The following GCN1 variants were observed in gnomAD, a reference collection of about 807,000 sequenced individuals.
GCN1 encodes the protein GCN1 activator of EIF2AK4.
A neutral mutation model predicts 288.4 loss-of-function variants in GCN1; 90 were observed. The ratio of observed to expected loss-of-function variants is 0.31; its 90% CI spans 0.26 to 0.37. The LOEUF (loss-of-function observed/expected upper bound fraction) is 0.37, where lower values mean the gene tolerates loss of function less well. GCN1 is among the 10% of genes least tolerant of loss of function. The pLI is 1.00. For synonymous variants in GCN1, 1,386 were observed against 1,420.2 expected (o/e 0.98, Z 0.54); for missense variants, 2,586 against 3,419.9 (o/e 0.76, Z 6.08).
At chr12:120,179,713 T>G (rs967876752) in intron 5 of GCN1, among the ~76,000 whole-genome samples, 44 of 151,326 alleles carry the variant, frequency 2.9e-4, no homozygotes, top group African/African-American at 1.1e-3. Context: ...CCTGCTTTCA[T>G]GTACCTTAGA....
intron 2 of GCN1, among the ~76,000 whole-genome samples, chr12:120,188,780 C>G (rs1878909198): frequency 6.7e-6 from 1 of 149,470 alleles, no homozygotes; most frequent in Admixed American, 6.7e-5. Flanking sequence ...ACCCGGGAAG[C>G]AGAGCGTGCA....
In GCN1 at chr12:120,139,023, G is replaced by C. The variant is rs564135052; in HGVS notation, c.5995-167C>G. 984 of 565,102 alleles carry C rather than the reference G, an allele frequency of 1.7e-3. 17 individuals are homozygous for C. The South Asian group carries it at 0.022, about 12-fold the overall frequency. The allele number at this position is 565,102 out of a possible 1,614,324, so 35.0% of individuals were successfully genotyped here. On this transcript the variant is annotated intron_variant, in intron 45 of 57. Transcript: ENST00000300648. ...TTACTGTGAAATAAAAAAAAGGAGA[G>C]AAGGGGCCGGGCACGGTGGCTCACA...
In GCN1 at chr12:120,174,152, G is replaced by T; in HGVS notation, c.1111C>A (p.His371Asn). Residue 371 changes from histidine to asparagine, a missense_variant, in exon 13 of 58, where the codon CAT becomes AAT. His to Asn is a moderately conservative substitution (Grantham distance 68). Coordinates refer to ENST00000300648, the MANE Select transcript of GCN1 (RefSeq NM_006836.2). ...CTGGAAGGTCCAGACACCACGTGAT[G>T]ACTGACGCTCCCAATCCCTAAAAGG... The part of the protein sequence containing the change: ...SVLSGIGSVS[H>N]HVVSGPSSQV... 1 of 1,596,006 alleles carries T rather than the reference G, an allele frequency of 6.3e-7. No homozygotes were observed. The highest frequency in any genetic ancestry group is 1.1e-5 in the South Asian group (1 of 90,652).
intron 18 of GCN1, among the ~76,000 whole-genome samples, chr12:120,163,615 A>G (rs1212567986): frequency 1.3e-5 from 2 of 152,178 alleles, no homozygotes; most frequent in Non-Finnish European, 2.9e-5. Flanking sequence ...CAGAAATAAC[A>G]GCCAGGTCTT....
intron 44 of GCN1, among the ~76,000 whole-genome samples, chr12:120,141,377 A>G (rs906998228): frequency 6.6e-6 from 1 of 152,170 alleles, no homozygotes; most frequent in Non-Finnish European, 1.5e-5. Context: ...ATCTGGAACA[A>G]AGCTTTAAGG....
chr12:120,190,465 A>T, intron 1 of GCN1, 65 bp from the exon 2 acceptor site: 5 of 863,312 alleles, frequency 5.8e-6, no homozygotes, highest in Non-Finnish European at 1.0e-5. Flanking sequence ...GTGTGTGTTG[A>T]GGGGTGGGTG....
intron 7 of GCN1, 104 bp downstream of exon 7, chr12:120,178,521 C>A: frequency 8.6e-7 from 1 of 1,168,490 alleles, no homozygotes; most frequent in Non-Finnish European, 1.3e-6. Context: ...ATAAGGTCAA[C>A]AGCTAGGGTC....
At chr12:120,181,256 A>G (rs1193814397) in intron 5 of GCN1, among the ~76,000 whole-genome samples, 1 of 151,942 alleles carries the variant, frequency 6.6e-6, no homozygotes, top group East Asian at 1.9e-4. Flanking sequence ...CCTTGAGCCC[A>G]GGAGTTCGAG....
chr12:120,138,878 G>C (rs779733733), intron 45 of GCN1, 22 bp from the exon 46 acceptor site: 3 of 1,584,492 alleles, frequency 1.9e-6, no homozygotes, highest in African/African-American at 2.7e-5. Context: ...AGCTACAACT[G>C]TACCAGATGC....
intron 4 of GCN1, 75 bp from the exon 5 acceptor site, chr12:120,183,752 G>A (rs1294755473): frequency 4.7e-6 from 4 of 852,504 alleles, no homozygotes; most frequent in East Asian, 4.9e-5. Flanking sequence ...CTAAGGCCCC[G>A]CCTGGTAATG....
At position 120,142,721 on chromosome 12, in the gene GCN1, G is replaced by A. The variant is rs780831734; in HGVS notation, c.5615C>T (p.Ala1872Val). The stretch of plus-strand genomic sequence containing the variant: ...CTCTACCCCCAGGGCAGTGATGATC[G>A]CCTGCAGCCAGTAGAAGGGGACAGA... ...DNFGTAQSNK[A>V]IITALGVERR... is the part of the protein sequence containing the mutation. The change falls in exon 44 of 58, where the codon GCG (alanine) becomes GTG (valine). Residue 1872 changes from alanine to valine, a missense_variant and splice_region_variant. Ala to Val is a moderately conservative substitution (Grantham distance 64, BLOSUM62 0). Coordinates refer to ENST00000300648, the MANE Select transcript of GCN1 (RefSeq NM_006836.2). The surrounding 1 kb of genome is among the most constrained non-coding windows in gnomAD (Gnocchi z 4.9). 7.4e-6 allele frequency: 12 copies of A among 1,613,762 alleles called. No individual in the cohort carries two copies. Among genetic ancestry groups the A allele is most frequent in the South Asian group, 5.5e-5 (5 of 91,076 alleles).
intron 20 of GCN1, chr12:120,162,374 G>A (rs531977284): frequency 4.2e-5 from 17 of 404,942 alleles, no homozygotes; most frequent in Middle Eastern, 1.4e-3. Flanking sequence ...TGGGTGCAGA[G>A]ATGAGCATGG....
intron 14 of GCN1, among the ~76,000 whole-genome samples, chr12:120,172,152 G>C (rs930919137): frequency 1.3e-5 from 2 of 152,050 alleles, no homozygotes; most frequent in Non-Finnish European, 1.5e-5. Flanking sequence ...GCGTGAGCCA[G>C]CTCGCCTGCC....
rs757433785 is a variant in GCN1, at chr12:120,156,427, G to A, written c.3312+34C>T. The A allele has an allele frequency of 6.2e-7, 1 of 1,604,862 alleles. No individual in the cohort carries two copies. The highest frequency in any genetic ancestry group is 8.5e-7 in the Non-Finnish European group (1 of 1,173,744). On this transcript the variant is annotated intron_variant, in intron 28 of 57. Transcript: ENST00000300648. The surrounding 1 kb of genome is among the most constrained non-coding windows in gnomAD (Gnocchi z 5.8). Reference sequence around the variant, plus strand: ...ATTTGCACTTGCATAGAGTGACAAGGGACACTGCAGTGGCTCTGAGACTGA... The same window carrying A: ...ATTTGCACTTGCATAGAGTGACAAGAGACACTGCAGTGGCTCTGAGACTGA...
chr12:120,176,813 C>G (rs996436514), intron 9 of GCN1, among the ~76,000 whole-genome samples: 5 of 152,164 alleles, frequency 3.3e-5, no homozygotes, highest in African/African-American at 1.2e-4. Flanking sequence ...GTCGCCCAGG[C>G]TGGAGTGTAA....
chr12:120,148,291 G>C lies in GCN1; in HGVS notation c.4602C>G (p.Ser1534=), dbSNP rs1334888688. Residue 1534 remains serine (S), a synonymous_variant, in exon 37 of 58, where the codon TCC becomes TCG. Transcript: ENST00000300648. Reference sequence around the variant, plus strand: ...GCTTGGGCACAATGTTGGGTAGACAGGATGACAGCTGCTTAGGAGCACAGT... The same window carrying C: ...GCTTGGGCACAATGTTGGGTAGACACGATGACAGCTGCTTAGGAGCACAGT... ...MAYCAPKQLS[S]CLPNIVPKLT... 3.1e-6 allele frequency: 5 copies of C among 1,614,098 alleles called. No individual in the cohort carries two copies. In the Admixed American group the frequency reaches 6.7e-5, roughly 22 times the overall value.
At chr12:120,157,714 T>A (rs1222448999) in intron 26 of GCN1, 135 bp downstream of exon 26, 1 of 715,272 alleles carries the variant, frequency 1.4e-6, no homozygotes, top group Non-Finnish European at 2.3e-6. Flanking sequence ...CACAACACTG[T>A]GTGAGGCTGC....
Position 120,144,532 on chromosome 12 carries a change from G to C in GCN1, c.5353-84C>G. 1 of 1,568,450 alleles carries C rather than the reference G, an allele frequency of 6.4e-7. No homozygotes were observed. On this transcript the variant is annotated intron_variant, in intron 41 of 57. Transcript: ENST00000300648. This position sits in a 1 kb window ranked among gnomAD's most constrained non-coding sequence, Gnocchi z 4.7. ...AACATGGGGCTCACTGAAGGCTGAG[G>C]GCTCTGCCAACCAACCCCAGCCAGC...
intron 2 of GCN1, among the ~76,000 whole-genome samples, chr12:120,186,955 A>G (rs1878838714): frequency 6.6e-6 from 1 of 152,226 alleles, no homozygotes; most frequent in Middle Eastern, 3.2e-3. Context: ...TCGGTATCAC[A>G]TGGCTGCCTT....
Sources: gnomAD v4.1 joint callset for allele counts (sites outside exome capture counted in the v4.1 genomes callset) on GRCh38, gnomAD v4.1.1 for gene constraint, Gnocchi (gnomAD v3.1) non-coding constraint, MANE v1.5 for transcripts, NCBI Gene and HGNC (gene_info 2026-07-23, HGNC 2026-07-21) for gene names.